The following PHRF1 variants were observed in gnomAD, a reference collection of about 807,000 sequenced individuals.
PHRF1 encodes PHD and RING finger domain-containing protein 1.
Under a neutral mutation model 128.9 loss-of-function variants are expected in PHRF1, and 53 were observed. The ratio of observed to expected loss-of-function variants is 0.41; its 90% CI spans 0.33 to 0.52. The LOEUF (loss-of-function observed/expected upper bound fraction) is 0.52, where lower values mean the gene tolerates loss of function less well. Ranked by LOEUF, PHRF1 falls within the 20% of genes least tolerant of loss-of-function variation. The probability of loss-of-function intolerance (pLI) is 0.21; values close to 1 mark genes in which losing one functional copy is unlikely to be tolerated. For synonymous variants in PHRF1, 1,178 were observed against 980.6 expected (o/e 1.20, Z -3.76); for missense variants, 2,503 against 2,284.5 (o/e 1.10, Z -1.95).
intron 3 of PHRF1, among the ~76,000 whole-genome samples, chr11:583,767 C>T (rs12797496): frequency 0.22 from 33,154 of 152,044 alleles, 3,791 homozygotes; most frequent in African/African-American, 0.26. Flanking sequence ...CCGTGGGGTG[C>T]GCTGGTGGTA....
chr11:585,704 C>T (rs768620352), intron 3 of PHRF1, among the ~76,000 whole-genome samples: 3 of 71,052 alleles, frequency 4.2e-5, no homozygotes, highest in African/African-American at 1.6e-4. Flanking sequence ...TTTTTGAGGT[C>T]GAGTCTCGCT....
intron 1 of PHRF1, among the ~76,000 whole-genome samples, chr11:580,937 C>T (rs1854165337): frequency 6.6e-6 from 1 of 152,136 alleles, no homozygotes; most frequent in Non-Finnish European, 1.5e-5. Context: ...GATCCGCCTG[C>T]CTCGGCCTCT....
At chr11:604,426 A>G (rs1474141071) in intron 10 of PHRF1, among the ~76,000 whole-genome samples, 1 of 152,262 alleles carries the variant, frequency 6.6e-6, no homozygotes, top group Non-Finnish European at 1.5e-5. Flanking sequence ...GGAAACAGCT[A>G]GTAACTCTTA....
At chr11:593,928 C>G (rs1855131803) in intron 6 of PHRF1, among the ~76,000 whole-genome samples, 1 of 152,208 alleles carries the variant, frequency 6.6e-6, no homozygotes. Context: ...CTCACCTCCT[C>G]AGGGTTCCTG....
In PHRF1 at chr11:597,285, C is replaced by T. The variant is rs934001619; in HGVS notation, c.719-110C>T. On this transcript the variant is annotated intron_variant, in intron 7 of 17. Coordinates refer to ENST00000264555, the MANE Select transcript of PHRF1 (RefSeq NM_001286581.2). The surrounding 1 kb of genome is among the most constrained non-coding windows in gnomAD (Gnocchi z 6.5). The stretch of plus-strand genomic sequence containing the variant: ...CATGAGCAGCCCTGGGTCCTGTGCA[C>T]AGGTCAGCCCGAGCCAGGGCTGCTA... The T allele has an allele frequency of 5.1e-6, 7 of 1,375,496 alleles. No individual in the cohort carries two copies. Among genetic ancestry groups the T allele is most frequent in the African/African-American group, 2.9e-5 (2 of 69,332 alleles). The allele number at this position is 1,375,496 out of a possible 1,614,324, so 85.2% of individuals were successfully genotyped here. A position where few individuals can be genotyped will look rare whatever the true frequency, so the allele number is the denominator to read the frequency against.
In PHRF1 at chr11:606,443, A is replaced by T. The variant is rs1855945252; in HGVS notation, c.1456A>T (p.Arg486Trp). 6.5e-7 allele frequency: 1 copy of T among 1,546,992 alleles called. No individual in the cohort carries two copies. ...ARPVSVGLSR[R>W]RLPAAVPEPD... is the part of the protein sequence containing the mutation. ...AGGGCCTTGGGTCTGTGCCCACAGG[A>T]GGCGCCTCCCTGCCGCGGTGCCAGA... Residue 486 changes from arginine to tryptophan, a missense_variant and splice_region_variant, in exon 13 of 18, where the codon AGG becomes TGG. Transcript: ENST00000264555.
intron 10 of PHRF1, among the ~76,000 whole-genome samples, chr11:603,677 A>G (rs1855769749): frequency 1.3e-5 from 2 of 149,824 alleles, no homozygotes; most frequent in South Asian, 4.2e-4. Context: ...TTTATTTCCT[A>G]GTAAATATAA....
At chr11:587,151 G>C in intron 3 of PHRF1, 108 bp from the exon 4 acceptor site, 1 of 1,010,310 alleles carries the variant, frequency 9.9e-7, no homozygotes, top group South Asian at 1.5e-5. Context: ...GAGGTGGGCT[G>C]TGCATTGCCG....
chr11:582,441 G>A (rs536213042), intron 3 of PHRF1, among the ~76,000 whole-genome samples: 1 of 151,814 alleles, frequency 6.6e-6, no homozygotes, highest in East Asian at 1.9e-4. Context: ...ATTACTTTTT[G>A]TATCTTTAGT....
intron 9 of PHRF1, among the ~76,000 whole-genome samples, chr11:599,633 C>T (rs923117208): frequency 3.3e-5 from 5 of 152,162 alleles, no homozygotes; most frequent in African/African-American, 1.2e-4. Context: ...ACTTCCATTC[C>T]AGCCAGCACA....
At chr11:601,054 G>A (rs1855596915) in intron 9 of PHRF1, among the ~76,000 whole-genome samples, 1 of 152,250 alleles carries the variant, frequency 6.6e-6, no homozygotes, top group Admixed American at 6.5e-5. Context: ...GGGAGGCTGA[G>A]GCAGGAGAAT....
At chr11:590,452 G>T (rs924218176) in intron 4 of PHRF1, among the ~76,000 whole-genome samples, 2 of 152,290 alleles carry the variant, frequency 1.3e-5, no homozygotes, top group South Asian at 2.1e-4. Flanking sequence ...CAGGGAAGAC[G>T]TACCTAACCA....
chr11:590,523 G>T (rs908294402), intron 4 of PHRF1, among the ~76,000 whole-genome samples: 17 of 152,298 alleles, frequency 1.1e-4, no homozygotes, highest in Non-Finnish European at 2.5e-4. Context: ...GAAGACCAGG[G>T]TGGGTACTCC....
At position 601,592 on chromosome 11, in the gene PHRF1, C is replaced by A. The variant is rs374545495; in HGVS notation, c.1043C>A (p.Pro348Gln). 29 of 1,613,412 alleles carry A rather than the reference C, an allele frequency of 1.8e-5. No homozygotes were observed. The highest frequency in any genetic ancestry group is 2.3e-5 in the Non-Finnish European group (27 of 1,179,860). ...KRKTRRRKKV[P>Q]GRKKTPSGPS... Reference sequence around the variant, plus strand: ...TCCTTAGGAAGACGGAAGAAAGTGCCGGGAAGAAAGAAAACCCCGTCCGGA... The same window carrying A: ...TCCTTAGGAAGACGGAAGAAAGTGCAGGGAAGAAAGAAAACCCCGTCCGGA... The change falls in exon 10 of 18, where the codon CCG becomes CAG. Residue 348 changes from proline to glutamine, a missense_variant. Transcript: ENST00000264555.
chr11:590,938 G>C (rs1168254307), intron 4 of PHRF1, among the ~76,000 whole-genome samples: 1 of 152,110 alleles, frequency 6.6e-6, no homozygotes. Flanking sequence ...CCCGACCTCA[G>C]GTAATCTGCC....
In PHRF1 at chr11:609,835, C is replaced by G. The variant is rs543090566; in HGVS notation, c.4264+115C>G. ...GCCCCGGCCTCCACCGAGGACAGAG[C>G]CCCCCGTGAGTAGGGCCCTGGCCTC... On this transcript the variant is annotated intron_variant, in intron 14 of 17. Transcript: ENST00000264555. 244 of 714,710 alleles carry G rather than the reference C, an allele frequency of 3.4e-4. No homozygotes were observed. The South Asian group carries it at 5.3e-3, about 15-fold the overall frequency. The allele number at this position is 714,710 out of a possible 1,614,324, so 44.3% of individuals were successfully genotyped here. A position where few individuals can be genotyped will look rare whatever the true frequency, so the allele number is the denominator to read the frequency against.
chr11:593,879 A>G (rs1372567481), intron 6 of PHRF1, among the ~76,000 whole-genome samples: 6 of 152,102 alleles, frequency 3.9e-5, no homozygotes, highest in Middle Eastern at 3.4e-3. Context: ...GCCTAAATCC[A>G]TGTTTTGTGA....
rs1855326587 is a variant in PHRF1 at position 597,099 on chromosome 11, C to A, written c.718+79C>A. 2 of 1,449,198 alleles carry A rather than the reference C, an allele frequency of 1.4e-6. No homozygotes were observed. The highest frequency in any genetic ancestry group is 1.9e-5 in the Admixed American group (1 of 51,724). 89.8% of individuals were successfully genotyped at this position (1,449,198 alleles called of 1,614,324 possible). A position where few individuals can be genotyped will look rare whatever the true frequency, so the allele number is the denominator to read the frequency against. On this transcript the variant is annotated intron_variant, in intron 7 of 17. Transcript: ENST00000264555. This position sits in a 1 kb window ranked among gnomAD's most constrained non-coding sequence, Gnocchi z 6.5. ...CTGCGGTCCCCGGGGTTAGGTTTGG[C>A]TGCTGTGTGGGGAGGACATCTAGGG...
intron 3 of PHRF1, among the ~76,000 whole-genome samples, chr11:585,171 C>T (rs555529582): frequency 9.8e-5 from 15 of 152,320 alleles, no homozygotes; most frequent in Non-Finnish European, 1.5e-5. Flanking sequence ...TTGCTTTTCC[C>T]ACCCTGGTGT....
Sources: gnomAD v4.1 joint callset for allele counts (sites outside exome capture counted in the v4.1 genomes callset) on GRCh38, gnomAD v4.1.1 for gene constraint, Gnocchi (gnomAD v3.1) non-coding constraint, MANE v1.5 for transcripts, NCBI Gene and HGNC (gene_info 2026-07-23, HGNC 2026-07-21) for gene names.